SOS1: variants seen among roughly 807,000 people sequenced by gnomAD.
SOS1 encodes SOS Ras/Rac guanine nucleotide exchange factor 1, also known as son of sevenless homolog 1.
SOS1 carries 25 observed loss-of-function variants against 157.6 expected under a neutral mutation model. The ratio of observed to expected loss-of-function variants is 0.16; its 90% confidence interval spans 0.12 to 0.22. The LOEUF (loss-of-function observed/expected upper bound fraction) is 0.22, where lower values mean the gene tolerates loss of function less well. Among genes scored for constraint, SOS1 ranks in the 10% least tolerant of loss-of-function variants. The pLI is 1.00. For missense variants in SOS1, 1,237 were observed against 1,599.1 expected (o/e 0.77, Z 3.86); for synonymous variants, 528 against 534.0 (o/e 0.99, Z 0.16).
At chr2:39,039,463 T>G (rs1670478962) in intron 6 of SOS1, among the ~76,000 whole-genome samples, 2 of 152,228 alleles carry the variant, frequency 1.3e-5, no homozygotes, top group South Asian at 4.1e-4. Context: ...GACTTAAAAT[T>G]TGTTAGCCTG....
chr2:38,985,498 C>T lies in SOS1; in HGVS notation c.*326G>A. ...CCTGCTGGACACTAGACTGTGTTTTCCATCCCTTTAATGATCACTTCACAA... is the reference window on the plus strand; with the variant it reads ...CCTGCTGGACACTAGACTGTGTTTTTCATCCCTTTAATGATCACTTCACAA... On this transcript the variant is annotated 3_prime_UTR_variant, in exon 23 of 23. Transcript: ENST00000402219. 1 of 300,760 alleles carries T rather than the reference C, an allele frequency of 3.3e-6. No homozygotes were observed. The highest frequency in any genetic ancestry group is 6.4e-6 in the Non-Finnish European group (1 of 156,066). The allele number at this position is 300,760 out of a possible 1,614,324, so 18.6% of individuals were successfully genotyped here. A position where few individuals can be genotyped will look rare whatever the true frequency, so the allele number is the denominator to read the frequency against.
At chr2:39,006,043 A>G (rs945030359) in intron 17 of SOS1, among the ~76,000 whole-genome samples, 1 of 152,184 alleles carries the variant, frequency 6.6e-6, no homozygotes, top group African/African-American at 2.4e-5. Flanking sequence ...CCAAAGGCAC[A>G]GCAGGCACAC....
At chr2:39,118,481 A>G (rs1260236373) in intron 1 of SOS1, among the ~76,000 whole-genome samples, 1 of 152,216 alleles carries the variant, frequency 6.6e-6, no homozygotes, top group African/African-American at 2.4e-5. Context: ...AGAACCTTAC[A>G]TATCAGCTAG....
At chr2:39,054,118 G>A (rs1313015809) in intron 5 of SOS1, among the ~76,000 whole-genome samples, 1 of 152,050 alleles carries the variant, frequency 6.6e-6, no homozygotes, top group Non-Finnish European at 1.5e-5. Context: ...TAGTAGAGAT[G>A]GGGTTTCACC....
intron 1 of SOS1, among the ~76,000 whole-genome samples, chr2:39,112,992 C>T (rs548976147): frequency 2.2e-4 from 34 of 151,448 alleles, no homozygotes; most frequent in Admixed American, 5.9e-4. Flanking sequence ...GCGGAGATCA[C>T]ACCACTGCAC....
intron 17 of SOS1, among the ~76,000 whole-genome samples, chr2:39,001,246 A>T (rs1296446846): frequency 6.6e-6 from 1 of 152,124 alleles, no homozygotes; most frequent in East Asian, 1.9e-4. Context: ...TATTTTTAGT[A>T]GGGATGGGGT....
At chr2:39,111,794 A>C (rs1258504996) in intron 1 of SOS1, among the ~76,000 whole-genome samples, 2 of 150,954 alleles carry the variant, frequency 1.3e-5, no homozygotes, top group African/African-American at 4.9e-5. Context: ...CAGTGACACA[A>C]CCTTAGCTCA....
intron 17 of SOS1, among the ~76,000 whole-genome samples, chr2:39,002,554 G>A (rs1344694719): frequency 1.3e-5 from 2 of 152,134 alleles, no homozygotes; most frequent in African/African-American, 4.8e-5. Flanking sequence ...CAGACTGACT[G>A]TGTATTTTTC....
At chr2:39,019,821 C>T (rs990200436) in intron 10 of SOS1, among the ~76,000 whole-genome samples, 11 of 151,394 alleles carry the variant, frequency 7.3e-5, no homozygotes, top group Non-Finnish European at 1.5e-4. Flanking sequence ...TCAGAGCTTA[C>T]CTATATCCTA....
intron 1 of SOS1, among the ~76,000 whole-genome samples, chr2:39,096,755 G>C (rs931702699): frequency 3.9e-5 from 6 of 151,930 alleles, no homozygotes; most frequent in Non-Finnish European, 8.8e-5. Flanking sequence ...ATGTGGTGGC[G>C]GGCGCCTGTA....
chr2:38,997,852 C>T (rs888184403), intron 17 of SOS1, among the ~76,000 whole-genome samples: 2 of 152,064 alleles, frequency 1.3e-5, no homozygotes, highest in Non-Finnish European at 2.9e-5. Context: ...AGAATAACTT[C>T]GTCACTAATG....
chr2:39,044,238 A>G (rs1012148859), intron 6 of SOS1, among the ~76,000 whole-genome samples: 3 of 152,160 alleles, frequency 2.0e-5, no homozygotes, highest in Non-Finnish European at 4.4e-5. Flanking sequence ...AGTAATCTCA[A>G]CTACTGGGGT....
intron 1 of SOS1, among the ~76,000 whole-genome samples, chr2:39,110,497 CT>C (rs1673383112): frequency 6.6e-6 from 1 of 151,642 alleles, no homozygotes; most frequent in African/African-American, 2.4e-5. Context: ...CTTCAACAGG[CT>C]ACTACTCTAG....
intron 16 of SOS1, among the ~76,000 whole-genome samples, chr2:39,006,795 T>A (rs1438583261): frequency 6.6e-6 from 1 of 152,160 alleles, no homozygotes; most frequent in Non-Finnish European, 1.5e-5. Context: ...TCTTACAAAT[T>A]AAGTGCCGAA....
intron 1 of SOS1, among the ~76,000 whole-genome samples, chr2:39,097,572 T>A (rs1160255207): frequency 2.0e-5 from 3 of 151,840 alleles, no homozygotes; most frequent in African/African-American, 4.8e-5. Flanking sequence ...TTTTTTTTTT[T>A]ATTGAGATGG....
chr2:39,047,713 C>G (rs1359781722), intron 6 of SOS1, among the ~76,000 whole-genome samples: 1 of 152,194 alleles, frequency 6.6e-6, no homozygotes, highest in Non-Finnish European at 1.5e-5. Flanking sequence ...CTCTGTCGCC[C>G]AGGCTGGAGT....
chr2:39,019,675 C>A (rs1217788940), intron 10 of SOS1, among the ~76,000 whole-genome samples: 5 of 151,588 alleles, frequency 3.3e-5, no homozygotes, highest in African/African-American at 1.2e-4. Context: ...ATTTTTCTTT[C>A]CACAAAGCTT....
At chr2:39,081,136 C>G (rs762218695) in intron 1 of SOS1, among the ~76,000 whole-genome samples, 1 of 152,060 alleles carries the variant, frequency 6.6e-6, no homozygotes, top group African/African-American at 2.4e-5. Context: ...GCACTCCAGC[C>G]TGGAGTGGCT....
At chr2:39,037,616 CT>C (rs35085177) in intron 6 of SOS1, among the ~76,000 whole-genome samples, 125,472 of 148,776 alleles carry the variant, frequency 0.84, 52,930 homozygotes, top group Non-Finnish European at 0.86. Context: ...CATATATTGC[CT>C]TTTTTTTTTT....
Sources: allele counts gnomAD v4.1 joint callset (sites outside exome capture counted in the v4.1 genomes callset), GRCh38; gene constraint gnomAD v4.1.1; transcripts MANE v1.5; gene names NCBI Gene and HGNC (gene_info 2026-07-23, HGNC 2026-07-21).